BAP1: variants seen among roughly 807,000 people sequenced by gnomAD.
BAP1 encodes the protein BRCA1 associated deubiquitinase 1, also known as ubiquitin carboxyl-terminal hydrolase BAP1.
In BAP1, 16 loss-of-function variants were observed where a neutral mutation model predicts 77.2. That is an observed-to-expected ratio of 0.21 (90% CI 0.14 to 0.31). The LOEUF (loss-of-function observed/expected upper bound fraction) is 0.31. Ranked by LOEUF, BAP1 falls within the 10% of genes least tolerant of loss-of-function variation. The pLI, the probability that BAP1 is intolerant of heterozygous loss-of-function variation, is 1.00. For synonymous variants in BAP1, 362 were observed against 385.2 expected (o/e 0.94, Z 0.71); for missense variants, 699 against 967.3 (o/e 0.72, Z 3.68).
At position 52,403,807 on chromosome 3, in the gene BAP1, G is replaced by T; in HGVS notation, c.1338C>A (p.Asn446Lys). ...ACTCTTTGAGCTTCTCAGCCAAGACGTTGATGGTGTTGGGCTGCAGCACTG... is the reference window on the plus strand; with the variant it reads ...ACTCTTTGAGCTTCTCAGCCAAGACTTTGATGGTGTTGGGCTGCAGCACTG... ...QLSVLQPNTINVLAEKLKESQ... is the reference protein window; with the variant it reads ...QLSVLQPNTIKVLAEKLKESQ... The change falls in exon 13 of 17, where the codon AAC becomes AAA. Residue 446 changes from asparagine (N) to lysine (K), a missense_variant. By Grantham distance (94) the Asn-to-Lys change is moderately conservative (BLOSUM62 0). This residue lies in a region of BAP1 where 475 missense variants were observed against 532.4 expected (regional missense o/e 0.89). Transcript: ENST00000460680. This position sits in a 1 kb window ranked among gnomAD's most constrained non-coding sequence, Gnocchi z 4.0. The T allele has an allele frequency of 6.2e-6, 10 of 1,614,122 alleles. No homozygotes were observed. Among genetic ancestry groups the T allele is most frequent in the Non-Finnish European group, 8.5e-6 (10 of 1,180,032 alleles).
Position 52,406,719 on chromosome 3 carries a change from C to T in BAP1, c.659+110G>A. 1.6e-6 allele frequency: 2 copies of T among 1,271,422 alleles called. No individual in the cohort carries two copies. Among genetic ancestry groups the T allele is most frequent in the East Asian group, 2.5e-5 (1 of 39,512 alleles). 78.8% of individuals were successfully genotyped at this position (1,271,422 alleles called of 1,614,324 possible). On this transcript the variant is annotated intron_variant, in intron 8 of 16. Coordinates refer to ENST00000460680, the MANE Select transcript of BAP1 (RefSeq NM_004656.4). The surrounding 1 kb of genome is among the most constrained non-coding windows in gnomAD (Gnocchi z 4.6). Reference sequence around the variant, plus strand: ...AACCCATGATCTAAGCCTGATCTTGCCAGATTCACCATATGGCCTTGCAAT... The same window carrying T: ...AACCCATGATCTAAGCCTGATCTTGTCAGATTCACCATATGGCCTTGCAAT...
Position 52,402,682 on chromosome 3 carries a change from A to G in BAP1, c.1984-8T>C. Reference sequence around the variant, plus strand: ...CCTTCTCTGGTCATCAATCTGTAGGAGAGAAGAAGACTGAGAGCACTGGAG... The same window carrying G: ...CCTTCTCTGGTCATCAATCTGTAGGGGAGAAGAAGACTGAGAGCACTGGAG... On this transcript the variant is annotated splice_region_variant and splice_polypyrimidine_tract_variant and intron_variant, in intron 15 of 16. Coordinates refer to ENST00000460680, the MANE Select transcript of BAP1 (RefSeq NM_004656.4). The surrounding 1 kb of genome is among the most constrained non-coding windows in gnomAD (Gnocchi z 5.3). 6.2e-7 allele frequency: 1 copy of G among 1,614,178 alleles called. No individual in the cohort carries two copies. Among genetic ancestry groups the G allele is most frequent in the Middle Eastern group, 1.6e-4 (1 of 6,062 alleles).
rs572063023 is a variant in BAP1 at position 52,408,523 on chromosome 3, G to A, written c.206C>T (p.Thr69Met). 2.2e-5 allele frequency: 36 copies of A among 1,612,114 alleles called. No homozygotes were observed. The highest frequency in any genetic ancestry group is 5.3e-5 in the African/African-American group (4 of 75,018). ...CACAATATCATCATCAATCACGGAC[G>A]TATCATCCACCAAGGTAGAGACCTT... ...RRKVSTLVDDTSVIDDDIVNN... is the reference protein window; with the variant it reads ...RRKVSTLVDDMSVIDDDIVNN... The change falls in exon 4 of 17, where the codon ACG becomes ATG. Residue 69 changes from threonine (T) to methionine (M), a missense_variant. Transcript: ENST00000460680.
In BAP1 at chr3:52,403,524, C is replaced by T. The variant is rs1403009542; in HGVS notation, c.1621G>A (p.Val541Ile). 5 of 1,613,994 alleles carry T rather than the reference C, an allele frequency of 3.1e-6. No homozygotes were observed. The African/African-American group carries it at 4.0e-5, about 13-fold the overall frequency. The change falls in exon 13 of 17, where the codon GTT (valine) becomes ATT (isoleucine). Residue 541 changes from valine (V) to isoleucine (I), a missense_variant. By Grantham distance (29) the Val-to-Ile change is conservative (BLOSUM62 3). Coordinates refer to ENST00000460680, the MANE Select transcript of BAP1 (RefSeq NM_004656.4). This position sits in a 1 kb window ranked among gnomAD's most constrained non-coding sequence, Gnocchi z 4.0. ...GCACGGTTGTAGCGTATGCAGTCAACACGCAGCAGGCTGTCATCCTCTCCA... is the reference window on the plus strand; with the variant it reads ...GCACGGTTGTAGCGTATGCAGTCAATACGCAGCAGGCTGTCATCCTCTCCA... Reference protein sequence around the residue: ...LFGEDDSLLRVDCIRYNRAVR... With the variant: ...LFGEDDSLLRIDCIRYNRAVR...
At chr3:52,408,326 A>G (rs1164545283) in intron 4 of BAP1, 148 bp downstream of exon 4, 2 of 1,354,110 alleles carry the variant, frequency 1.5e-6, no homozygotes. Flanking sequence ...TAATGAATTA[A>G]GAGTTCAGTT....
At position 52,403,759 on chromosome 3, in the gene BAP1, A is replaced by C; in HGVS notation, c.1386T>G (p.Pro462=). The C allele has an allele frequency of 6.2e-7, 1 of 1,614,096 alleles. No homozygotes were observed. The highest frequency in any genetic ancestry group is 1.1e-5 in the South Asian group (1 of 91,080). ...CCCCGCTGCTAGTCTTGATGGACAG[A>C]GGAATTGAGAGGTCCTTCTGGGACT... ...LKESQKDLSI[P]LSIKTSSGAG... The change falls in exon 13 of 17, where the codon CCT becomes CCG. Residue 462 remains proline (P), a synonymous_variant. Coordinates refer to ENST00000460680, the MANE Select transcript of BAP1 (RefSeq NM_004656.4). This position sits in a 1 kb window ranked among gnomAD's most constrained non-coding sequence, Gnocchi z 4.0.
intron 12 of BAP1, 49 bp downstream of exon 12, chr3:52,404,404 T>C (rs778256913): frequency 6.2e-7 from 1 of 1,613,806 alleles, no homozygotes. Context: ...ATATTCAGGA[T>C]GGGATCCGAA....
intron 10 of BAP1, 145 bp downstream of exon 10, chr3:52,405,620 A>AG: frequency 7.6e-7 from 1 of 1,309,928 alleles, no homozygotes; most frequent in East Asian, 2.5e-5. Context: ...TCTTTAGGGA[A>AG]GGACTGCTCT....
Position 52,405,201 on chromosome 3 carries a change from C to T in BAP1, c.1025G>A (p.Ser342Asn), listed in dbSNP as rs2153227036. Reference sequence around the variant, plus strand: ...GGGGTTGGGGTGAACCCCATTGAGGCTGCTGCCTGGAGGCTTCACCACTAG... The same window carrying T: ...GGGGTTGGGGTGAACCCCATTGAGGTTGCTGCCTGGAGGCTTCACCACTAG... ...PKLVVKPPGS[S>N]LNGVHPNPTP... The change falls in exon 11 of 17, where the codon AGC becomes AAC. Residue 342 changes from serine (S) to asparagine (N), a missense_variant. Around this residue, in one of 3 missense-constraint regions of BAP1, gnomAD observed 475 missense variants for 532.4 expected, o/e 0.89. Transcript: ENST00000460680. The T allele has an allele frequency of 6.2e-7, 1 of 1,614,096 alleles. No individual in the cohort carries two copies. Among genetic ancestry groups the T allele is most frequent in the Non-Finnish European group, 8.5e-7 (1 of 1,180,028 alleles).
Position 52,402,301 on chromosome 3 carries a change from G to A in BAP1, c.2177C>T (p.Ala726Val). 1 of 1,600,126 alleles carries A rather than the reference G, an allele frequency of 6.2e-7. No homozygotes were observed. Among genetic ancestry groups the A allele is most frequent in the Non-Finnish European group, 8.5e-7 (1 of 1,174,914 alleles). The change falls in exon 17 of 17, where the codon GCC becomes GTC. Residue 726 changes from alanine (A) to valine (V), a missense_variant. By Grantham distance (64) the Ala-to-Val change is moderately conservative. Transcript: ENST00000460680. The surrounding 1 kb of genome is among the most constrained non-coding windows in gnomAD (Gnocchi z 5.3). The part of the protein sequence containing the change: ...DRRKRSRPYK[A>V]KRQ Reference sequence around the variant, plus strand: ...GGCCAGCAGTCCTCACTGGCGCTTGGCCTTGTAGGGGCGAGAGCGTTTCCG... The same window carrying A: ...GGCCAGCAGTCCTCACTGGCGCTTGACCTTGTAGGGGCGAGAGCGTTTCCG...
rs546069189 is a variant in BAP1 at position 52,402,757 on chromosome 3, G to A, written c.1983+22C>T. ...GTGGACCTCGGGAGAGGCCAGATCA[G>A]GCAACTGGAGAAATCACCCACCTTG... On this transcript the variant is annotated intron_variant, in intron 15 of 16. Transcript: ENST00000460680. The surrounding 1 kb of genome is among the most constrained non-coding windows in gnomAD (Gnocchi z 5.3). 42 of 1,614,212 alleles carry A rather than the reference G, an allele frequency of 2.6e-5. 1 individual carries two copies. The South Asian group carries it at 4.0e-4, about 15-fold the overall frequency.
rs1006368197 is a variant in BAP1 at position 52,407,028 on chromosome 3, AT to A, written c.581-122del. ...GGGAATCAGGAGCTGGTCGGGCAAT[AT>A]GGTGTAGGGTGAAACCCCAGCCAGA... On this transcript the variant is annotated intron_variant, in intron 7 of 16. Transcript: ENST00000460680. 5.4e-6 allele frequency: 8 copies of A among 1,494,762 alleles called. No homozygotes were observed. The African/African-American group carries it at 1.1e-4, about 21-fold the overall frequency. The allele number at this position is 1,494,762 out of a possible 1,614,324, so 92.6% of individuals were successfully genotyped here.
In BAP1 at chr3:52,403,574, G is replaced by A. The variant is rs1559586598; in HGVS notation, c.1571C>T (p.Thr524Ile). ...ANPTRPSSPV[T>I]SHISKVLFGE... is the part of the protein sequence containing the mutation. ...AAAAAGCACCTTGGAGATGTGGGAG[G>A]TGACAGGGCTGGAGGGCCGCGTCGG... The change falls in exon 13 of 17, where the codon ACC becomes ATC. Residue 524 changes from threonine (T) to isoleucine (I), a missense_variant. This residue lies in a region of BAP1 where 475 missense variants were observed against 532.4 expected (regional missense o/e 0.89). Coordinates refer to ENST00000460680, the MANE Select transcript of BAP1 (RefSeq NM_004656.4). This position sits in a 1 kb window ranked among gnomAD's most constrained non-coding sequence, Gnocchi z 4.0. 1 of 1,614,152 alleles carries A rather than the reference G, an allele frequency of 6.2e-7. No individual in the cohort carries two copies.
Position 52,405,120 on chromosome 3 carries a change from G to T in BAP1, c.1106C>A (p.Ser369Tyr), listed in dbSNP as rs2153226993. 6.2e-7 allele frequency: 1 copy of T among 1,614,154 alleles called. No individual in the cohort carries two copies. Among genetic ancestry groups the T allele is most frequent in the Non-Finnish European group, 8.5e-7 (1 of 1,180,042 alleles). The change falls in exon 11 of 17, where the codon TCC becomes TAC. Residue 369 changes from serine (S) to tyrosine (Y), a missense_variant. Coordinates refer to ENST00000460680, the MANE Select transcript of BAP1 (RefSeq NM_004656.4). ...AFLDNHNYAK[S>Y]PMQEEEDLAA... ...GTGCTCCCAGCTTACCTGCATGGGG[G>T]ACTTGGCATAATTGTGATTGTCTAG...
At position 52,402,681 on chromosome 3, in the gene BAP1, GAGAGA is replaced by G. The variant is rs763358729; in HGVS notation, c.1984-12_1984-8del. On this transcript the variant is annotated splice_polypyrimidine_tract_variant and splice_region_variant and intron_variant, in intron 15 of 16. Coordinates refer to ENST00000460680, the MANE Select transcript of BAP1 (RefSeq NM_004656.4). The surrounding 1 kb of genome is among the most constrained non-coding windows in gnomAD (Gnocchi z 5.3). The stretch of plus-strand genomic sequence containing the variant: ...TCCTTCTCTGGTCATCAATCTGTAG[GAGAGA>G]AGAAGACTGAGAGCACTGGAGCCAA... 1 of 1,614,142 alleles carries G rather than the reference GAGAGA, an allele frequency of 6.2e-7. No individual in the cohort carries two copies. The highest frequency in any genetic ancestry group is 1.1e-5 in the South Asian group (1 of 91,060).
chr3:52,405,335 T>C (rs749087916), intron 10 of BAP1, 41 bp from the exon 11 acceptor site: 6 of 1,610,152 alleles, frequency 3.7e-6, no homozygotes, highest in Non-Finnish European at 3.4e-6. Flanking sequence ...TCCAGTAGGA[T>C]CTCCAAGAAA....
chr3:52,403,372 C>T lies in BAP1; in HGVS notation c.1729+44G>A, dbSNP rs976531994. The T allele has an allele frequency of 4.3e-6, 7 of 1,612,172 alleles. No individual in the cohort carries two copies. The highest frequency in any genetic ancestry group is 5.9e-6 in the Non-Finnish European group (7 of 1,179,240). ...GGTCACTTGGCCACTTCCCTCCTCC[C>T]TCCTGGGTGCACCAAGTGGCCAGTG... On this transcript the variant is annotated intron_variant, in intron 13 of 16. Coordinates refer to ENST00000460680, the MANE Select transcript of BAP1 (RefSeq NM_004656.4). The surrounding 1 kb of genome is among the most constrained non-coding windows in gnomAD (Gnocchi z 4.0).
At position 52,405,229 on chromosome 3, in the gene BAP1, T is replaced by C; in HGVS notation, c.997A>G (p.Lys333Glu). The C allele has an allele frequency of 6.2e-7, 1 of 1,613,920 alleles. No individual in the cohort carries two copies. The change falls in exon 11 of 17, where the codon AAG becomes GAG. Residue 333 changes from lysine to glutamate, a missense_variant. Lys to Glu is a moderately conservative substitution (Grantham distance 56). This residue lies in a region of BAP1 where 475 missense variants were observed against 532.4 expected (regional missense o/e 0.89). Coordinates refer to ENST00000460680, the MANE Select transcript of BAP1 (RefSeq NM_004656.4). Reference sequence around the variant, plus strand: ...CTGCCTGGAGGCTTCACCACTAGCTTGGGTTTGTTGGGAGGGCTGTGGGAT... The same window carrying C: ...CTGCCTGGAGGCTTCACCACTAGCTCGGGTTTGTTGGGAGGGCTGTGGGAT... ...APSHSPPNKP[K>E]LVVKPPGSSL... is the part of the protein sequence containing the mutation.
intron 11 of BAP1, 129 bp downstream of exon 11, chr3:52,404,981 A>AACCCAGGCCCAGGCAGCTTG: frequency 7.8e-7 from 1 of 1,286,850 alleles, no homozygotes; most frequent in Non-Finnish European, 1.1e-6. Flanking sequence ...GGAACCTAGC[A>AACCCAGGCCCAGGCAGCTTG]ACCCAGGCCC....
Sources: gnomAD v4.1 joint callset for allele counts on GRCh38, gnomAD v4.1.1 for gene constraint, gnomAD v4.1.1 regional missense constraint, Gnocchi (gnomAD v3.1) non-coding constraint, MANE v1.5 for transcripts, NCBI Gene and HGNC (gene_info 2026-07-23, HGNC 2026-07-21) for gene names.